The following CACNA1E variants were observed in gnomAD, a reference collection of about 807,000 sequenced individuals.
CACNA1E encodes calcium voltage-gated channel subunit alpha1 E.
CACNA1E carries 40 observed loss-of-function variants against 259.2 expected under a neutral mutation model. The observed-to-expected ratio is 0.15, with a 90% confidence interval of 0.12 to 0.20. CACNA1E has a LOEUF of 0.20. Among genes scored for constraint, CACNA1E ranks in the 10% least tolerant of loss-of-function variants. The probability of loss-of-function intolerance (pLI) is 1.00; values close to 1 mark genes in which losing one functional copy is unlikely to be tolerated. For synonymous variants in CACNA1E, 1,104 were observed against 1,138.5 expected (o/e 0.97, Z 0.61); for missense variants, 1,874 against 3,040.1 (o/e 0.62, Z 9.02).
At chr1:181,399,493 A>C (rs568923501) in intron 1 of CACNA1E, among the ~76,000 whole-genome samples, 9 of 152,354 alleles carry the variant, frequency 5.9e-5, no homozygotes, top group African/African-American at 1.9e-4. Flanking sequence ...CAGAGTAAGA[A>C]AGATCATCCT....
At chr1:181,645,451 C>T (rs139803441) in intron 6 of CACNA1E, among the ~76,000 whole-genome samples, 80 of 152,226 alleles carry the variant, frequency 5.3e-4, no homozygotes, top group African/African-American at 1.8e-3. Context: ...CTTATAGGTC[C>T]CCCACTTCTT....
In CACNA1E at chr1:181,755,266, G is replaced by A. The variant is rs1657991047; in HGVS notation, c.3858G>A (p.Leu1286=). The A allele has an allele frequency of 1.9e-6, 3 of 1,613,890 alleles. No individual in the cohort carries two copies. The highest frequency in any genetic ancestry group is 4.5e-5 in the East Asian group (2 of 44,874). The change falls in exon 28 of 48, where the codon TTG becomes TTA. Residue 1286 remains leucine, a synonymous_variant. Transcript: ENST00000367573. ...KAVFDCVVTS[L]KNVFNILIVY... ...TCTTCGACTGCGTAGTGACCTCCTT[G>A]AAGAATGTCTTCAACATACTCATTG... is the stretch of plus-strand genomic sequence containing the variant.
At chr1:181,455,371 T>G (rs983552280) in intron 2 of CACNA1E, among the ~76,000 whole-genome samples, 1 of 152,128 alleles carries the variant, frequency 6.6e-6, no homozygotes, top group African/African-American at 2.4e-5. Flanking sequence ...ATGAGAGGAT[T>G]CAATAATGTG....
At chr1:181,647,793 C>T (rs948817455) in intron 6 of CACNA1E, among the ~76,000 whole-genome samples, 16 of 152,156 alleles carry the variant, frequency 1.1e-4, no homozygotes, top group African/African-American at 2.7e-4. Flanking sequence ...CGAGGTGTGT[C>T]CCTTTGTCCT....
At chr1:181,482,949 C>T (rs1460387919), upstream of CACNA1E, among the ~76,000 whole-genome samples, 1 of 152,270 alleles carries the variant, frequency 6.6e-6, no homozygotes, top group Admixed American at 6.5e-5. Context: ...TCTCTGGATG[C>T]TGCTCAACTT....
intron 2 of CACNA1E, among the ~76,000 whole-genome samples, chr1:181,424,520 A>G (rs1659011402): frequency 6.6e-6 from 1 of 152,234 alleles, no homozygotes; most frequent in Non-Finnish European, 1.5e-5. Flanking sequence ...CTGTGCTTGC[A>G]GTGGAGACCG....
chr1:181,623,010 AG>A (rs948940275), intron 6 of CACNA1E, among the ~76,000 whole-genome samples: 1 of 152,234 alleles, frequency 6.6e-6, no homozygotes, highest in African/African-American at 2.4e-5. Flanking sequence ...AATTAGGAAA[AG>A]AAAAACAATC....
At chr1:181,635,724 T>C (rs955633154) in intron 6 of CACNA1E, among the ~76,000 whole-genome samples, 3 of 152,210 alleles carry the variant, frequency 2.0e-5, no homozygotes, top group African/African-American at 7.2e-5. Flanking sequence ...TGAGAACAAC[T>C]GCGCTAGACT....
intron 1 of CACNA1E, among the ~76,000 whole-genome samples, chr1:181,505,328 C>T (rs1339982896): frequency 1.3e-5 from 2 of 152,088 alleles, no homozygotes; most frequent in African/African-American, 4.8e-5. Flanking sequence ...CATCATCCTT[C>T]CAGCAAGACA....
In CACNA1E at chr1:181,539,339, A is replaced by C. The variant is rs181447780; in HGVS notation, c.512+27829A>C. Among the ~76,000 whole-genome samples the C allele has an allele frequency of 6.6e-5, 10 of 152,368 alleles. No individual in the cohort carries two copies. The East Asian group carries it at 1.7e-3, about 26-fold the overall frequency. On this transcript the variant is annotated intron_variant, in intron 3 of 47. Transcript: ENST00000367573. ...CTTGTGTGCCTGGCACTTAGTAGTC[A>C]TTCAGCAAATATTACCAAATGAACA...
chr1:181,583,797 A>G (rs1255421138), intron 6 of CACNA1E, among the ~76,000 whole-genome samples: 1 of 152,020 alleles, frequency 6.6e-6, no homozygotes, highest in Non-Finnish European at 1.5e-5. Context: ...TCAAACTCCA[A>G]CTATATTCTT....
chr1:181,344,311 A>G (rs2609488), intron 1 of CACNA1E, among the ~76,000 whole-genome samples: 2,907 of 152,296 alleles, frequency 0.019, 77 homozygotes, highest in South Asian at 0.08. Flanking sequence ...TTCCGTACGC[A>G]TTCCAGGCAC....
intron 6 of CACNA1E, among the ~76,000 whole-genome samples, chr1:181,647,773 T>A (rs572706455): frequency 1.9e-3 from 287 of 152,330 alleles, no homozygotes; most frequent in Non-Finnish European, 3.1e-3. Flanking sequence ...TTTGCTAGCC[T>A]GCTTCCTGCC....
chr1:181,564,648 C>A (rs1387947475), intron 3 of CACNA1E, among the ~76,000 whole-genome samples: 1 of 152,168 alleles, frequency 6.6e-6, no homozygotes, highest in African/African-American at 2.4e-5. Flanking sequence ...AATGGTGAGT[C>A]CTTTCCAGAA....
At chr1:181,503,792 GTCATAACCCT>G in intron 1 of CACNA1E, among the ~76,000 whole-genome samples, 1 of 152,226 alleles carries the variant, frequency 6.6e-6, no homozygotes, top group East Asian at 1.9e-4. Flanking sequence ...GGAATGGATG[GTCATAACCCT>G]TCATTGACTC....
chr1:181,750,416 C>A, intron 25 of CACNA1E, 60 bp from the exon 26 acceptor site: 2 of 1,518,158 alleles, frequency 1.3e-6, no homozygotes, highest in Non-Finnish European at 1.8e-6. Context: ...TACCCCAACC[C>A]CATTTTTTTG....
At chr1:181,774,499 C>A (rs1181825873) in intron 37 of CACNA1E, among the ~76,000 whole-genome samples, 1 of 152,216 alleles carries the variant, frequency 6.6e-6, no homozygotes, top group African/African-American at 2.4e-5. Flanking sequence ...TGGAGGAAGG[C>A]AGGCAGTCTG....
rs1238995690 is a variant in CACNA1E at position 181,784,464 on chromosome 1, AC to A, written c.5471-196del. ...TCTCTTGGCAGGATATCCCTGAGTC[AC>A]TGAAAAAGGGAGCCAAAATGTGTTC... On this transcript the variant is annotated intron_variant, in intron 40 of 47. Transcript: ENST00000367573. 5.3e-5 allele frequency among the ~76,000 whole-genome samples: 8 copies of A among 152,310 alleles called. No individual in the cohort carries two copies. The East Asian group carries it at 1.3e-3, about 26-fold the overall frequency.
chr1:181,747,127 C>T (rs1056406694), intron 25 of CACNA1E, among the ~76,000 whole-genome samples: 3 of 150,354 alleles, frequency 2.0e-5, no homozygotes, highest in East Asian at 2.0e-4. Context: ...TTCACTCCTG[C>T]GAGCCTGGCC....
Sources: gnomAD v4.1 joint callset for allele counts (sites outside exome capture counted in the v4.1 genomes callset) on GRCh38, gnomAD v4.1.1 for gene constraint, MANE v1.5 for transcripts, NCBI Gene and HGNC (gene_info 2026-07-23, HGNC 2026-07-21) for gene names.